WWOX: variants seen among roughly 807,000 people sequenced by gnomAD.
WWOX encodes the protein WW domain containing oxidoreductase, also known as WW domain-containing oxidoreductase.
A neutral mutation model predicts 46.2 loss-of-function variants in WWOX; 69 were observed. The ratio of observed to expected loss-of-function variants is 1.49; its 90% confidence interval spans 1.23 to 1.82. WWOX has a LOEUF of 1.82. WWOX is among the 40% of genes most tolerant of loss of function. The pLI, the probability that WWOX is intolerant of heterozygous loss-of-function variation, is 0.00. For missense variants in WWOX, 919 were observed against 542.6 expected, an observed-to-expected ratio of 1.69 and a Z score of -6.89; for synonymous variants, 359 against 202.6, an observed-to-expected ratio of 1.77 and a Z score of -6.56.
intron 8 of WWOX, among the ~76,000 whole-genome samples, chr16:78,546,328 A>G (rs1025759620): frequency 3.3e-5 from 5 of 152,234 alleles, no homozygotes; most frequent in Admixed American, 1.3e-4. Flanking sequence ...GGAGGTAGAG[A>G]AAACAGTAGT....
intron 5 of WWOX, among the ~76,000 whole-genome samples, chr16:78,171,909 G>T (rs971376694): frequency 5.9e-5 from 9 of 152,184 alleles, no homozygotes; most frequent in Admixed American, 5.9e-4. Flanking sequence ...ACCTGCAGGT[G>T]GGGGGTTGGA....
At chr16:78,948,162 A>G (rs2045984986) in intron 8 of WWOX, among the ~76,000 whole-genome samples, 1 of 152,160 alleles carries the variant, frequency 6.6e-6, no homozygotes, top group African/African-American at 2.4e-5. Context: ...GACAGGTAAC[A>G]CCTGCCTCCG....
intron 5 of WWOX, among the ~76,000 whole-genome samples, chr16:78,295,625 C>T (rs1171633117): frequency 6.6e-6 from 1 of 152,174 alleles, no homozygotes; most frequent in African/African-American, 2.4e-5. Flanking sequence ...ATGGGAGAAT[C>T]GCTTGAACCC....
chr16:78,820,632 T>A (rs2051468327), intron 8 of WWOX, among the ~76,000 whole-genome samples: 1 of 152,146 alleles, frequency 6.6e-6, no homozygotes, highest in Admixed American at 6.5e-5. Context: ...ACAGGGCCTG[T>A]CTTCAGGGAA....
At chr16:78,753,718 C>T (rs1397748737) in intron 8 of WWOX, among the ~76,000 whole-genome samples, 1 of 147,108 alleles carries the variant, frequency 6.8e-6, no homozygotes, top group East Asian at 2.1e-4. Flanking sequence ...GGGAGGATTG[C>T]TTGAGCCTGG....
rs1555519622 is a variant in WWOX, at chr16:78,702,120, A to ATATT, written c.1056+269378_1056+269381dup. On this transcript the variant is annotated intron_variant, in intron 8 of 8. Transcript: ENST00000566780. ...TAAAGTTATATATATATATATATAT[A>ATATT]TATTTATTTATTTTCAAGACATGGT... 4.0e-4 allele frequency among the ~76,000 whole-genome samples: 52 copies of ATATT among 130,016 alleles called. 3 individuals carry two copies. The highest frequency in any genetic ancestry group is 1.7e-3 in the African/African-American group (51 of 30,266). 85.3% of individuals were successfully genotyped at this position (130,016 alleles called of 152,430 possible). A position where few individuals can be genotyped will look rare whatever the true frequency, so the allele number is the denominator to read the frequency against.
At chr16:78,545,897 C>G (rs375835420) in intron 8 of WWOX, among the ~76,000 whole-genome samples, 202 of 152,242 alleles carry the variant, frequency 1.3e-3, no homozygotes, top group African/African-American at 4.7e-3. Context: ...GACACCAGTC[C>G]TCTTGGATTA....
At chr16:79,175,823 C>T (rs1308286029) in intron 8 of WWOX, among the ~76,000 whole-genome samples, 5 of 152,128 alleles carry the variant, frequency 3.3e-5, no homozygotes, top group Non-Finnish European at 7.4e-5. Context: ...TGTCTCACTC[C>T]TTCCTCCCAC....
intron 8 of WWOX, among the ~76,000 whole-genome samples, chr16:79,167,519 C>T (rs1037828368): frequency 6.6e-6 from 1 of 152,100 alleles, no homozygotes; most frequent in Non-Finnish European, 1.5e-5. Flanking sequence ...CTGACCTGCA[C>T]TAGATGTTTT....
intron 6 of WWOX, among the ~76,000 whole-genome samples, chr16:78,390,130 G>C: frequency 6.6e-6 from 1 of 152,196 alleles, no homozygotes; most frequent in East Asian, 1.9e-4. Context: ...TGACGGGCAT[G>C]GGGTTTCACT....
intron 1 of WWOX, among the ~76,000 whole-genome samples, chr16:78,102,438 C>T (rs1226314219): frequency 6.6e-6 from 1 of 152,220 alleles, no homozygotes; most frequent in Non-Finnish European, 1.5e-5. Context: ...GAGTGGCATT[C>T]ATTCAGCTTG....
intron 8 of WWOX, among the ~76,000 whole-genome samples, chr16:79,096,377 T>C (rs867387453): frequency 3.9e-5 from 6 of 152,076 alleles, no homozygotes; most frequent in Non-Finnish European, 7.4e-5. Context: ...CCTTCCCCCA[T>C]TGGCTCTGTT....
At chr16:78,198,720 C>T (rs1359967304) in intron 5 of WWOX, among the ~76,000 whole-genome samples, 2 of 152,160 alleles carry the variant, frequency 1.3e-5, no homozygotes, top group African/African-American at 4.8e-5. Flanking sequence ...AGTTGTATCA[C>T]CTTCCTCCCA....
intron 8 of WWOX, among the ~76,000 whole-genome samples, chr16:78,796,255 G>A (rs2050734909): frequency 6.6e-6 from 1 of 152,226 alleles, no homozygotes; most frequent in Non-Finnish European, 1.5e-5. Flanking sequence ...CTCCCATACT[G>A]TGATTCACTG....
At chr16:78,498,631 T>C (rs2084977970) in intron 8 of WWOX, among the ~76,000 whole-genome samples, 1 of 152,132 alleles carries the variant, frequency 6.6e-6, no homozygotes, top group African/African-American at 2.4e-5. Flanking sequence ...GAAGGGACAT[T>C]GTTGTTTCAC....
intron 8 of WWOX, among the ~76,000 whole-genome samples, chr16:78,687,417 C>T (rs943044440): frequency 6.6e-6 from 1 of 152,176 alleles, no homozygotes; most frequent in East Asian, 1.9e-4. Context: ...AGGATTTGTT[C>T]TATTGCATGC....
intron 5 of WWOX, among the ~76,000 whole-genome samples, chr16:78,240,633 G>A (rs2037611612): frequency 6.6e-6 from 1 of 152,142 alleles, no homozygotes; most frequent in African/African-American, 2.4e-5. Context: ...CAGGGTCTTT[G>A]TTCTTTATCT....
Position 78,106,420 on chromosome 16 carries a change from T to TG in WWOX, c.108-2002dup, listed in dbSNP as rs1491226297. On this transcript the variant is annotated intron_variant, in intron 1 of 8. Coordinates refer to ENST00000566780, the MANE Select transcript of WWOX (RefSeq NM_016373.4). The stretch of plus-strand genomic sequence containing the variant: ...CCAGAGAGTCAGAACGGTTTTTTTT[T>TG]GTTTTTTTTTTTTTTTTTTGAGATG... Among the ~76,000 whole-genome samples, 281 of 145,646 alleles carry TG rather than the reference T, an allele frequency of 1.9e-3. 2 individuals carry two copies. Among genetic ancestry groups the TG allele is most frequent in the Non-Finnish European group, 3.2e-3 (209 of 66,152 alleles).
chr16:78,906,373 A>G (rs1391312747), intron 8 of WWOX, among the ~76,000 whole-genome samples: 1 of 152,152 alleles, frequency 6.6e-6, no homozygotes, highest in Non-Finnish European at 1.5e-5. Flanking sequence ...TGATATGCAA[A>G]TATAGCCTGA....
Sources: allele counts gnomAD v4.1 joint callset (sites outside exome capture counted in the v4.1 genomes callset), GRCh38; gene constraint gnomAD v4.1.1; transcripts MANE v1.5; gene names NCBI Gene and HGNC (gene_info 2026-07-23, HGNC 2026-07-21).